The following NHSL2 variants were observed in gnomAD, a reference collection of about 807,000 sequenced individuals.
NHSL2 encodes the protein NHS-like protein 2.
Under a neutral mutation model 53.4 loss-of-function variants are expected in NHSL2, and 27 were observed. The ratio of observed to expected loss-of-function variants is 0.51; its 90% CI spans 0.37 to 0.70. The LOEUF (loss-of-function observed/expected upper bound fraction) is 0.70. Among genes scored for constraint, NHSL2 ranks in the 30% least tolerant of loss-of-function variants. The pLI, the probability that NHSL2 is intolerant of heterozygous loss-of-function variation, is 0.00. For synonymous variants in NHSL2, 408 were observed against 404.1 expected (o/e 1.01, Z -0.12); for missense variants, 892 against 980.1 (o/e 0.91, Z 1.20).
At chrX:72,070,406 C>A (rs930843596) in intron 1 of NHSL2, among the ~76,000 whole-genome samples, 2 of 111,102 alleles carry the variant, frequency 1.8e-5, no homozygotes, top group African/African-American at 6.6e-5. Flanking sequence ...TTCCTTGCCC[C>A]TCTCCAGATA....
chrX:72,131,118 C>T (rs370931550), intron 1 of NHSL2: 291 of 1,193,412 alleles, frequency 2.4e-4, no homozygotes, highest in Admixed American at 5.6e-4. Context: ...GAGGGGGTTG[C>T]GGGGGCGGTT....
At chrX:71,932,260 C>A (rs777586762) in intron 1 of NHSL2, among the ~76,000 whole-genome samples, 1 of 110,115 alleles carries the variant, frequency 9.1e-6, no homozygotes, top group Non-Finnish European at 1.9e-5. Context: ...GCAAGAACAT[C>A]GTTCTCAAAG....
At chrX:72,035,251 T>C (rs564714163) in intron 1 of NHSL2, among the ~76,000 whole-genome samples, 2 of 112,092 alleles carry the variant, frequency 1.8e-5, no homozygotes, top group African/African-American at 6.5e-5. Context: ...ATTCTCTATG[T>C]CAAGAGAACA....
chrX:71,931,135 T>C (rs2041710964), intron 1 of NHSL2, among the ~76,000 whole-genome samples: 1 of 112,684 alleles, frequency 8.9e-6, no homozygotes, highest in South Asian at 3.6e-4. Context: ...TAAACATCTT[T>C]TCATGTGCCT....
intron 1 of NHSL2, among the ~76,000 whole-genome samples, chrX:72,039,067 T>TTTCC (rs2042257031): frequency 1.4e-4 from 4 of 29,368 alleles, no homozygotes; most frequent in Non-Finnish European, 2.5e-4. Flanking sequence ...TTCTCTTTTC[T>TTTCC]TTTCCTTTCC....
intron 1 of NHSL2, among the ~76,000 whole-genome samples, chrX:72,117,818 T>TTTTATTTATTTA (rs779724895): frequency 0.011 from 1,064 of 95,477 alleles, 15 homozygotes; most frequent in African/African-American, 0.025. Context: ...TAGACCACAT[T>TTTTATTTATTTA]TTTATTTATT....
At chrX:71,988,265 C>T (rs1162913172) in intron 1 of NHSL2, among the ~76,000 whole-genome samples, 1 of 111,474 alleles carries the variant, frequency 9.0e-6, no homozygotes, top group African/African-American at 3.3e-5. Context: ...GGATCTTTTC[C>T]AGCATTCCCA....
At chrX:72,003,560 C>A (rs1312655075) in intron 1 of NHSL2, among the ~76,000 whole-genome samples, 1 of 111,455 alleles carries the variant, frequency 9.0e-6, no homozygotes, top group East Asian at 2.8e-4. Context: ...GTCACTTAAT[C>A]TCTTCAGGCC....
At position 71,994,298 on chromosome X, in the gene NHSL2, C is replaced by CTGTGTGTGTGTG. The variant is rs10673341; in HGVS notation, c.280+82951_280+82962dup. Among the ~76,000 whole-genome samples the CTGTGTGTGTGTG allele has an allele frequency of 4.4e-3, 398 of 90,059 alleles. 3 individuals carry two copies. The highest frequency in any genetic ancestry group is 0.013 in the African/African-American group (307 of 24,234). 78.2% of individuals were successfully genotyped at this position (90,059 alleles called of 115,157 possible). The stretch of plus-strand genomic sequence containing the variant: ...GAGAGATCCCTGAGGGAGGCTCCCT[C>CTGTGTGTGTGTG]TGTGTGTGTGTGTGTGTGTGTGTGT... On this transcript the variant is annotated intron_variant, in intron 1 of 7. Coordinates refer to ENST00000633930, the MANE Select transcript of NHSL2 (RefSeq NM_001013627.3).
At chrX:72,107,517 G>A (rs1299205825) in intron 1 of NHSL2, among the ~76,000 whole-genome samples, 1 of 111,267 alleles carries the variant, frequency 9.0e-6, no homozygotes, top group Non-Finnish European at 1.9e-5. Flanking sequence ...CCCTTGATTT[G>A]GCTAAGCTGG....
At chrX:72,016,159 A>G (rs1168165193) in intron 1 of NHSL2, among the ~76,000 whole-genome samples, 1 of 112,456 alleles carries the variant, frequency 8.9e-6, no homozygotes, top group Non-Finnish European at 1.9e-5. Context: ...ATGTGTGTGT[A>G]TAGTATGAGG....
intron 1 of NHSL2, among the ~76,000 whole-genome samples, chrX:72,049,015 G>GAA (rs766144046): frequency 4.8e-5 from 4 of 82,793 alleles, no homozygotes; most frequent in African/African-American, 2.2e-4. Context: ...AAGAAGAAGA[G>GAA]GAAGAGGAAG....
intron 1 of NHSL2, among the ~76,000 whole-genome samples, chrX:72,108,508 C>T (rs2042064317): frequency 8.9e-6 from 1 of 112,879 alleles, no homozygotes. Context: ...AGCGACAGAG[C>T]CAGGATTTGA....
chrX:72,152,653 T>C lies in NHSL2; in HGVS notation c.*9079T>C, dbSNP rs2042525165. 8.9e-6 allele frequency: 1 copy of C among 112,470 alleles called. No individual in the cohort carries two copies. The highest frequency in any genetic ancestry group is 1.9e-5 in the Non-Finnish European group (1 of 53,287). 9.3% of individuals were successfully genotyped at this position (112,470 alleles called of 1,213,427 possible). On this transcript the variant is annotated 3_prime_UTR_variant, in exon 8 of 8. Transcript: ENST00000633930. ...AGAATCTTTAGCTTGATTTCTGTCA[T>C]TTGAGCCCAGGGATCTACCCACTTA... is the stretch of plus-strand genomic sequence containing the variant.
At chrX:71,962,698 T>C (rs1489097662) in intron 1 of NHSL2, among the ~76,000 whole-genome samples, 1 of 103,534 alleles carries the variant, frequency 9.7e-6, no homozygotes, top group Non-Finnish European at 2.0e-5. Flanking sequence ...GACACCATGA[T>C]AGCTCACTGC....
intron 1 of NHSL2, among the ~76,000 whole-genome samples, chrX:72,061,098 G>C (rs2042396944): frequency 8.9e-6 from 1 of 112,538 alleles, no homozygotes; most frequent in African/African-American, 3.2e-5. Context: ...TAGAGCTCTG[G>C]TGAACTCGGT....
At chrX:72,094,204 G>A (rs760881153) in intron 1 of NHSL2, among the ~76,000 whole-genome samples, 2 of 111,857 alleles carry the variant, frequency 1.8e-5, no homozygotes, top group South Asian at 7.4e-4. Context: ...CCTTTACCTC[G>A]GTTATTGCAC....
intron 1 of NHSL2, among the ~76,000 whole-genome samples, chrX:71,997,018 T>C (rs1373908572): frequency 8.9e-6 from 1 of 112,613 alleles, no homozygotes. Context: ...TGATAAACTA[T>C]TTTCCTTTCT....
At chrX:72,002,724 CCTGAGGCTCT>C (rs2042077358) in intron 1 of NHSL2, among the ~76,000 whole-genome samples, 1 of 111,800 alleles carries the variant, frequency 8.9e-6, no homozygotes, top group Non-Finnish European at 1.9e-5. Flanking sequence ...AGGAGCTTCC[CCTGAGGCTCT>C]CTGGTAAAGT....
Sources: allele counts gnomAD v4.1 joint callset (sites outside exome capture counted in the v4.1 genomes callset), GRCh38; gene constraint gnomAD v4.1.1; transcripts MANE v1.5; gene names NCBI Gene and HGNC (gene_info 2026-07-23, HGNC 2026-07-21).